GAPVD1: variants seen among roughly 807,000 people sequenced by gnomAD.
The protein encoded by GAPVD1 is GTPase-activating protein and VPS9 domain-containing protein 1.
Under a neutral mutation model 155.5 loss-of-function variants are expected in GAPVD1, and 35 were observed. That is an observed-to-expected ratio of 0.23 (90% CI 0.17 to 0.30). The LOEUF (loss-of-function observed/expected upper bound fraction) is 0.30, where lower values mean the gene tolerates loss of function less well. GAPVD1 is among the 10% of genes least tolerant of loss of function. The pLI is 1.00. For missense variants in GAPVD1, 1,429 were observed against 1,775.7 expected, an observed-to-expected ratio of 0.80 and a Z score of 3.51; for synonymous variants, 636 against 619.7, an observed-to-expected ratio of 1.03 and a Z score of -0.39.
rs1241677617 is a variant in GAPVD1 at position 125,349,430 on chromosome 9, T to G, written c.3210T>G (p.Arg1070=). 6.2e-7 allele frequency: 1 copy of G among 1,613,924 alleles called. No homozygotes were observed. The highest frequency in any genetic ancestry group is 2.2e-5 in the East Asian group (1 of 44,870). The change falls in exon 21 of 28, where the codon CGT becomes CGG. Residue 1070 remains arginine, a synonymous_variant. Transcript: ENST00000297933. ...GTGAAAGTGCACATGATTCTCCCCG[T>G]GACGAAGCACTGCAGAACATCTCGG... The part of the protein sequence containing the change: ...GDGESAHDSP[R]DEALQNISAD...
chr9:125,289,958 C>T (rs919735726), intron 2 of GAPVD1, among the ~76,000 whole-genome samples: 10 of 152,166 alleles, frequency 6.6e-5, no homozygotes, highest in Admixed American at 5.9e-4. Flanking sequence ...GGAGCAAACC[C>T]ATGAGAATGT....
chr9:125,268,439 C>G (rs1177963972), intron 1 of GAPVD1, among the ~76,000 whole-genome samples: 1 of 149,268 alleles, frequency 6.7e-6, no homozygotes, highest in African/African-American at 2.5e-5. Flanking sequence ...AGTTGCTGCT[C>G]TGTAAATGTA....
intron 8 of GAPVD1, among the ~76,000 whole-genome samples, chr9:125,310,687 G>GCC (rs1444615638): frequency 6.7e-6 from 1 of 148,360 alleles, no homozygotes. Context: ...TCACAGGCGT[G>GCC]TGCCACCACG....
chr9:125,284,571 C>G (rs935180807), intron 2 of GAPVD1, among the ~76,000 whole-genome samples: 1 of 151,986 alleles, frequency 6.6e-6, no homozygotes, highest in Non-Finnish European at 1.5e-5. Flanking sequence ...CTCAGCCTCC[C>G]AAAGCACTGA....
intron 12 of GAPVD1, 56 bp from the exon 13 acceptor site, chr9:125,330,022 C>T: frequency 1.4e-6 from 2 of 1,463,390 alleles, no homozygotes; most frequent in Non-Finnish European, 1.9e-6. Flanking sequence ...TCTCCACTAT[C>T]ACTGCACTTT....
At chr9:125,277,677 G>T (rs1347954524) in intron 2 of GAPVD1, among the ~76,000 whole-genome samples, 1 of 150,420 alleles carries the variant, frequency 6.6e-6, no homozygotes, top group Non-Finnish European at 1.5e-5. Context: ...AGCATACTAT[G>T]CTTGTCTGTT....
intron 15 of GAPVD1, among the ~76,000 whole-genome samples, chr9:125,333,216 G>A (rs935311310): frequency 1.3e-5 from 2 of 151,908 alleles, no homozygotes; most frequent in African/African-American, 4.8e-5. Flanking sequence ...CAGTAGCTTG[G>A]ATTACAGGCA....
At chr9:125,289,676 A>G (rs1223704841) in intron 2 of GAPVD1, among the ~76,000 whole-genome samples, 2 of 152,102 alleles carry the variant, frequency 1.3e-5, no homozygotes, top group African/African-American at 4.8e-5. Context: ...TGAGATGCGT[A>G]TTAGACAACC....
intron 9 of GAPVD1, 26 bp downstream of exon 9, chr9:125,312,638 C>G (rs1201147804): frequency 1.3e-6 from 2 of 1,543,302 alleles, no homozygotes; most frequent in East Asian, 4.6e-5. Context: ...TTCTATAAAT[C>G]AATATTCATG....
At chr9:125,326,781 T>G (rs146771684) in intron 12 of GAPVD1, among the ~76,000 whole-genome samples, 192 bp downstream of exon 12, 68 of 152,182 alleles carry the variant, frequency 4.5e-4, no homozygotes, top group Admixed American at 1.6e-3. Context: ...TGTTTTTCCT[T>G]TCTACATTTA....
intron 2 of GAPVD1, among the ~76,000 whole-genome samples, chr9:125,280,575 CTTTT>C (rs1197408782): frequency 1.5e-5 from 2 of 137,684 alleles, no homozygotes; most frequent in Non-Finnish European, 1.6e-5. Flanking sequence ...GTTACTACTA[CTTTT>C]TTTTTTTTTT....
At chr9:125,339,920 A>T (rs1294397630) in intron 17 of GAPVD1, among the ~76,000 whole-genome samples, 1 of 152,186 alleles carries the variant, frequency 6.6e-6, no homozygotes, top group East Asian at 1.9e-4. Context: ...ATAATTCTTT[A>T]TCCCAGGTAT....
At chr9:125,271,241 G>C (rs994656771) in intron 2 of GAPVD1, among the ~76,000 whole-genome samples, 2 of 151,962 alleles carry the variant, frequency 1.3e-5, no homozygotes, top group African/African-American at 2.4e-5. Context: ...ATGTCTGTCC[G>C]AAAAGGTGCT....
chr9:125,310,802 T>TGCTGAG (rs1441523055), intron 8 of GAPVD1, among the ~76,000 whole-genome samples: 1 of 151,272 alleles, frequency 6.6e-6, no homozygotes, highest in Non-Finnish European at 1.5e-5. Flanking sequence ...CCTCCCAAAG[T>TGCTGAG]GCTGAGATTA....
chr9:125,328,725 C>G (rs1021982058), intron 12 of GAPVD1, among the ~76,000 whole-genome samples: 5 of 151,752 alleles, frequency 3.3e-5, no homozygotes, highest in Non-Finnish European at 5.9e-5. Context: ...GCACACCTCC[C>G]AGACGGGGTG....
intron 11 of GAPVD1, among the ~76,000 whole-genome samples, chr9:125,326,199 G>A (rs1248378431): frequency 6.6e-6 from 1 of 152,166 alleles, no homozygotes; most frequent in Non-Finnish European, 1.5e-5. Flanking sequence ...TAGGTGGTTG[G>A]CATATGCAAA....
chr9:125,313,397 G>A (rs1265310868), intron 9 of GAPVD1, among the ~76,000 whole-genome samples: 2 of 150,096 alleles, frequency 1.3e-5, no homozygotes, highest in Non-Finnish European at 3.0e-5. Flanking sequence ...TCTGCCTCCC[G>A]GATTCACACT....
chr9:125,337,303 T>C lies in GAPVD1; in HGVS notation c.2589T>C (p.Ala863=). ...PPPDPPILEG[A]VGGNEARLPN... The stretch of plus-strand genomic sequence containing the variant: ...CAGATCCCCCAATCCTGGAAGGAGC[T>C]GTGGGAGGAAATGAGGCCAGGTTGC... Residue 863 remains alanine (A), a synonymous_variant, in exon 17 of 28, where the codon GCT becomes GCC. Transcript: ENST00000297933. 6.2e-7 allele frequency: 1 copy of C among 1,614,174 alleles called. No homozygotes were observed. Among genetic ancestry groups the C allele is most frequent in the Non-Finnish European group, 8.5e-7 (1 of 1,180,004 alleles).
intron 1 of GAPVD1, chr9:125,263,463 A>C (rs1833295391): frequency 1.6e-6 from 1 of 633,510 alleles, no homozygotes; most frequent in South Asian, 1.6e-5. Flanking sequence ...ACAAAACAAA[A>C]CAAAAAAACT....
Sources: allele counts gnomAD v4.1 joint callset (sites outside exome capture counted in the v4.1 genomes callset), GRCh38; gene constraint gnomAD v4.1.1; transcripts MANE v1.5; gene names NCBI Gene and HGNC (gene_info 2026-07-23, HGNC 2026-07-21).